The following KLHL4 variants were observed in gnomAD, a reference collection of about 807,000 sequenced individuals.
The protein encoded by KLHL4 is kelch-like protein 4.
Under a neutral mutation model 45.8 loss-of-function variants are expected in KLHL4, and 17 were observed. That is an observed-to-expected ratio of 0.37 (90% confidence interval 0.25 to 0.56). KLHL4 has a LOEUF of 0.56. Ranked by LOEUF, KLHL4 falls within the 20% of genes least tolerant of loss-of-function variation. The probability of loss-of-function intolerance (pLI) is 0.79; values close to 1 mark genes in which losing one functional copy is unlikely to be tolerated. For missense variants in KLHL4, 544 were observed against 544.9 expected (o/e 1.00, Z 0.02); for synonymous variants, 224 against 189.9 (o/e 1.18, Z -1.47).
At chrX:87,614,693 T>C (rs973769843) in intron 3 of KLHL4, 123 bp downstream of exon 3, 9 of 564,682 alleles carry the variant, frequency 1.6e-5, no homozygotes, top group Non-Finnish European at 2.4e-5. Context: ...GTAATACTGC[T>C]ACTACAACTA....
At position 87,624,151 on chromosome X, in the gene KLHL4, A is replaced by T. The variant is rs949323729; in HGVS notation, c.1138-1459A>T. 2.7e-5 allele frequency among the ~76,000 whole-genome samples: 3 copies of T among 112,238 alleles called. No homozygotes were observed. In the Admixed American group the frequency reaches 2.8e-4, roughly 11 times the overall value. On this transcript the variant is annotated intron_variant, in intron 5 of 10. Coordinates refer to ENST00000373119, the MANE Select transcript of KLHL4 (RefSeq NM_019117.5). Reference sequence around the variant, plus strand: ...TTTCAGCAAAATGAACTTAGTTTGAACTTCTGTTATTTTATTGGAATGGAG... The same window carrying T: ...TTTCAGCAAAATGAACTTAGTTTGATCTTCTGTTATTTTATTGGAATGGAG...
At chrX:87,616,172 AT>A (rs1922549730) in intron 3 of KLHL4, among the ~76,000 whole-genome samples, 1 of 110,749 alleles carries the variant, frequency 9.0e-6, no homozygotes, top group African/African-American at 3.3e-5. Context: ...GGAGCAGACC[AT>A]TTTTTAGGAG....
In KLHL4 at chrX:87,596,274, A is replaced by G. The variant is rs188649934; in HGVS notation, c.423-17603A>G. Among the ~76,000 whole-genome samples, 4 of 112,391 alleles carry G rather than the reference A, an allele frequency of 3.6e-5. No individual in the cohort carries two copies. The East Asian group carries it at 1.1e-3, about 32-fold the overall frequency. On this transcript the variant is annotated intron_variant, in intron 1 of 10. Coordinates refer to ENST00000373119, the MANE Select transcript of KLHL4 (RefSeq NM_019117.5). Reference sequence around the variant, plus strand: ...GATAATTTTTTATAGCAAAGTGAGAATGGACTAATAGAACATGCAATGTTT... The same window carrying G: ...GATAATTTTTTATAGCAAAGTGAGAGTGGACTAATAGAACATGCAATGTTT...
At chrX:87,546,762 G>T (rs1199522186) in intron 1 of KLHL4, among the ~76,000 whole-genome samples, 1 of 112,764 alleles carries the variant, frequency 8.9e-6, no homozygotes, top group African/African-American at 3.2e-5. Context: ...TCAAGGATGT[G>T]GGAGCCCACC....
chrX:87,600,826 G>A (rs769600658), intron 1 of KLHL4, among the ~76,000 whole-genome samples: 6 of 110,658 alleles, frequency 5.4e-5, no homozygotes, highest in Non-Finnish European at 1.1e-4. Context: ...GTTTATTTTC[G>A]TGTATCTTCA....
chrX:87,571,313 A>G (rs923320142), intron 1 of KLHL4, among the ~76,000 whole-genome samples: 1 of 111,006 alleles, frequency 9.0e-6, no homozygotes, highest in African/African-American at 3.3e-5. Context: ...ACCTTACTAC[A>G]ACAAAAAATA....
chrX:87,651,790 C>G (rs1396890411), intron 9 of KLHL4, among the ~76,000 whole-genome samples: 1 of 112,041 alleles, frequency 8.9e-6, no homozygotes, highest in East Asian at 2.9e-4. Flanking sequence ...ACAATGCAAG[C>G]TGTCAGTGGA....
intron 1 of KLHL4, among the ~76,000 whole-genome samples, chrX:87,527,508 T>A (rs1931136339): frequency 9.0e-6 from 1 of 111,101 alleles, no homozygotes; most frequent in Non-Finnish European, 1.9e-5. Context: ...TAGGAAACAG[T>A]TGGACCTGCA....
intron 1 of KLHL4, among the ~76,000 whole-genome samples, chrX:87,529,148 A>G (rs1384767839): frequency 8.9e-6 from 1 of 111,781 alleles, no homozygotes; most frequent in African/African-American, 3.2e-5. Flanking sequence ...AGACCTTCCT[A>G]AACAAAAGCG....
At chrX:87,660,444 C>T (rs2147842181) in intron 9 of KLHL4, among the ~76,000 whole-genome samples, 1 of 111,980 alleles carries the variant, frequency 8.9e-6, no homozygotes, top group African/African-American at 3.2e-5. Context: ...ATAACATAAA[C>T]ATATAATATC....
intron 1 of KLHL4, among the ~76,000 whole-genome samples, chrX:87,609,907 GACA>G (rs1233290846): frequency 9.0e-6 from 1 of 111,296 alleles, no homozygotes; most frequent in East Asian, 2.8e-4. Context: ...TTACTCCAAG[GACA>G]ACATCATGTC....
At chrX:87,601,379 A>C (rs1013980476) in intron 1 of KLHL4, among the ~76,000 whole-genome samples, 3 of 111,498 alleles carry the variant, frequency 2.7e-5, no homozygotes, top group Admixed American at 9.5e-5. Context: ...GCCCACATGC[A>C]TGGTGGCCTG....
chrX:87,522,110 A>G (rs1480044235), intron 1 of KLHL4, among the ~76,000 whole-genome samples: 1 of 112,523 alleles, frequency 8.9e-6, no homozygotes, highest in Non-Finnish European at 1.9e-5. Context: ...CTAGGGAAAT[A>G]CTCATGCATA....
At chrX:87,596,504 A>T (rs1469261804) in intron 1 of KLHL4, among the ~76,000 whole-genome samples, 3 of 112,015 alleles carry the variant, frequency 2.7e-5, no homozygotes, top group Admixed American at 1.9e-4. Context: ...TGGATGAATG[A>T]ATTTCTACAT....
At chrX:87,598,880 C>T (rs953531667) in intron 1 of KLHL4, among the ~76,000 whole-genome samples, 2 of 110,000 alleles carry the variant, frequency 1.8e-5, no homozygotes, top group South Asian at 3.8e-4. Flanking sequence ...ACCTCTCTGT[C>T]GAATAGTAGT....
chrX:87,530,182 C>A (rs1440797067), intron 1 of KLHL4, among the ~76,000 whole-genome samples: 1 of 110,903 alleles, frequency 9.0e-6, no homozygotes, highest in African/African-American at 3.3e-5. Flanking sequence ...GTGTTTTAGA[C>A]ATGAAGTCCT....
chrX:87,668,351 T>C lies in KLHL4; in HGVS notation c.*1817T>C. 4.0e-6 allele frequency: 3 copies of C among 753,967 alleles called. No individual in the cohort carries two copies. Among genetic ancestry groups the C allele is most frequent in the Non-Finnish European group, 4.7e-6 (3 of 638,980 alleles). 62.1% of individuals were successfully genotyped at this position (753,967 alleles called of 1,213,427 possible). On this transcript the variant is annotated 3_prime_UTR_variant, in exon 11 of 11. Transcript: ENST00000373119. Reference sequence around the variant, plus strand: ...AGGTGCTACCAATAGGCAGACTGTGTCTAGAGTCATGCATGGACAAGAGGA... The same window carrying C: ...AGGTGCTACCAATAGGCAGACTGTGCCTAGAGTCATGCATGGACAAGAGGA...
chrX:87,571,830 T>C (rs1448023132), intron 1 of KLHL4, among the ~76,000 whole-genome samples: 4 of 111,265 alleles, frequency 3.6e-5, no homozygotes, highest in Non-Finnish European at 7.6e-5. Flanking sequence ...AATGGATTTG[T>C]TGATTTATTT....
At chrX:87,523,619 TA>T (rs889618517) in intron 1 of KLHL4, among the ~76,000 whole-genome samples, 1 of 111,482 alleles carries the variant, frequency 9.0e-6, no homozygotes, top group African/African-American at 3.3e-5. Flanking sequence ...TTGCAAATCA[TA>T]ATATAAAATA....
Sources: gnomAD v4.1 joint callset for allele counts (sites outside exome capture counted in the v4.1 genomes callset) on GRCh38, gnomAD v4.1.1 for gene constraint, MANE v1.5 for transcripts, NCBI Gene and HGNC (gene_info 2026-07-23, HGNC 2026-07-21) for gene names.